The following LRRC75A variants were observed in gnomAD, a reference collection of about 807,000 sequenced individuals.
LRRC75A encodes leucine-rich repeat-containing protein 75A.
A neutral mutation model predicts 26.0 loss-of-function variants in LRRC75A; 12 were observed. The ratio of observed to expected loss-of-function variants is 0.46; its 90% CI spans 0.30 to 0.75. LRRC75A has a LOEUF of 0.75. Ranked by LOEUF, LRRC75A falls within the 30% of genes least tolerant of loss-of-function variation. The pLI is 0.08. For synonymous variants in LRRC75A, 223 were observed against 219.3 expected, an observed-to-expected ratio of 1.02 and a Z score of -0.15; for missense variants, 410 against 486.6, an observed-to-expected ratio of 0.84 and a Z score of 1.48.
chr17:16,451,290 A>G (rs970308103), intron 2 of LRRC75A, among the ~76,000 whole-genome samples: 1 of 151,936 alleles, frequency 6.6e-6, no homozygotes, highest in Non-Finnish European at 1.5e-5. Context: ...AAGTTCAGGG[A>G]GTGGGGCCAT....
In LRRC75A at chr17:16,443,646, ACAGGGCCCCCTC is replaced by A. The variant is rs747651326; in HGVS notation, c.965_976del (p.Gly322_Pro325del). 47 of 1,559,066 alleles carry A rather than the reference ACAGGGCCCCCTC, an allele frequency of 3.0e-5. No homozygotes were observed. Among genetic ancestry groups the A allele is most frequent in the Non-Finnish European group, 3.8e-5 (44 of 1,151,004 alleles). ...CTCATGGTGGTCTTCGGCAGGTGCC[ACAGGGCCCCCTC>A]CAGGGTCCTCCTGGCCTACTGTCCC... On this transcript the variant is annotated inframe_deletion, in exon 4 of 4. Transcript: ENST00000470794.
intron 1 of LRRC75A, among the ~76,000 whole-genome samples, chr17:16,478,191 CT>C (rs768032038): frequency 1.6e-3 from 228 of 140,012 alleles, no homozygotes; most frequent in Middle Eastern, 3.6e-3. Flanking sequence ...CTTTTTTTTT[CT>C]TTTTTTTTTT....
chr17:16,472,214 C>A (rs567180848), intron 1 of LRRC75A, among the ~76,000 whole-genome samples: 1 of 152,132 alleles, frequency 6.6e-6, no homozygotes, highest in East Asian at 1.9e-4. Flanking sequence ...TGCCCTCTGG[C>A]CCCCTGTGAC....
chr17:16,444,034 G>T lies in LRRC75A; in HGVS notation c.589C>A (p.Leu197Ile). Residue 197 changes from leucine (L) to isoleucine (I), a missense_variant, in exon 4 of 4, where the codon CTA becomes ATA. Physicochemically the swap from Leu to Ile is conservative, Grantham distance 5. Coordinates refer to ENST00000470794, the MANE Select transcript of LRRC75A (RefSeq NM_001113567.3). ...SRDLERVTSY[L>I]QRCGEQVDSV... ...TCTACCTGCTCCCCACAGCGCTGTA[G>T]GTAGCTGGTCACCCGCTCCAGGTCT... 1 of 1,613,730 alleles carries T rather than the reference G, an allele frequency of 6.2e-7. No individual in the cohort carries two copies. The highest frequency in any genetic ancestry group is 1.1e-5 in the South Asian group (1 of 91,036).
At chr17:16,482,450 G>A (rs1031252180) in intron 1 of LRRC75A, among the ~76,000 whole-genome samples, 3 of 152,144 alleles carry the variant, frequency 2.0e-5, no homozygotes, top group African/African-American at 7.2e-5. Context: ...TGGGCTGAGG[G>A]CCGTGGGAAG....
In LRRC75A at chr17:16,443,649, G is replaced by A; in HGVS notation, c.974C>T (p.Pro325Leu). Residue 325 changes from proline to leucine, a missense_variant, in exon 4 of 4, where the codon CCT (proline) becomes CTT (leucine). Physicochemically the swap from Pro to Leu is moderately conservative, Grantham distance 98. Coordinates refer to ENST00000470794, the MANE Select transcript of LRRC75A (RefSeq NM_001113567.3). ...TVGQEDPGGG[P>L]VAPAEDHHEG... is the part of the protein sequence containing the mutation. ...ATGGTGGTCTTCGGCAGGTGCCACA[G>A]GGCCCCCTCCAGGGTCCTCCTGGCC... The A allele has an allele frequency of 1.3e-6, 2 of 1,561,172 alleles. No individual in the cohort carries two copies. The highest frequency in any genetic ancestry group is 1.7e-6 in the Non-Finnish European group (2 of 1,152,124).
intron 1 of LRRC75A, among the ~76,000 whole-genome samples, chr17:16,481,347 G>A (rs1032255144): frequency 2.6e-5 from 4 of 152,162 alleles, no homozygotes; most frequent in Non-Finnish European, 4.4e-5. Flanking sequence ...TCTCCTGCCC[G>A]CTCACAGGAA....
At chr17:16,445,101 G>A (rs567642714) in intron 3 of LRRC75A, among the ~76,000 whole-genome samples, 3 of 147,452 alleles carry the variant, frequency 2.0e-5, no homozygotes, top group Admixed American at 6.8e-5. Context: ...CACCCATCTC[G>A]GCCTCCCAAA....
intron 1 of LRRC75A, among the ~76,000 whole-genome samples, chr17:16,487,195 A>G (rs893682394): frequency 3.3e-5 from 5 of 152,222 alleles, no homozygotes; most frequent in African/African-American, 1.2e-4. Flanking sequence ...AGGTGCATTC[A>G]GTGGAAACAT....
intron 1 of LRRC75A, chr17:16,470,513 C>A (rs1267874116): frequency 6.6e-6 from 1 of 152,196 alleles, no homozygotes; most frequent in East Asian, 1.9e-4. Context: ...CCAGGCTGCT[C>A]CCCCTCCTGG....
chr17:16,480,631 A>C (rs1375365189), intron 1 of LRRC75A, among the ~76,000 whole-genome samples: 1 of 149,554 alleles, frequency 6.7e-6, no homozygotes, highest in Admixed American at 6.6e-5. Flanking sequence ...CTTCGTCTCA[A>C]AAAAAAAAAA....
chr17:16,457,574 T>G (rs931217630), intron 2 of LRRC75A, among the ~76,000 whole-genome samples: 2 of 152,188 alleles, frequency 1.3e-5, no homozygotes, highest in Non-Finnish European at 2.9e-5. Context: ...CCCTGTGTAA[T>G]GTCCTTCCAC....
chr17:16,456,099 G>GTAGTA (rs1568960241), intron 2 of LRRC75A, among the ~76,000 whole-genome samples: 71 of 134,198 alleles, frequency 5.3e-4, no homozygotes, highest in African/African-American at 2.1e-3. Flanking sequence ...GAGGAGGAAG[G>GTAGTA]GGAGGGGGAG....
chr17:16,485,303 T>C (rs769032028), intron 1 of LRRC75A, among the ~76,000 whole-genome samples: 3 of 152,140 alleles, frequency 2.0e-5, no homozygotes, highest in Non-Finnish European at 4.4e-5. Context: ...CCCAAGGTGA[T>C]GGTATCGGGA....
chr17:16,476,892 C>G (rs1012696505), intron 1 of LRRC75A, among the ~76,000 whole-genome samples: 2 of 152,080 alleles, frequency 1.3e-5, no homozygotes, highest in African/African-American at 2.4e-5. Context: ...GCGCCCACCA[C>G]CACGCCTGGC....
intron 3 of LRRC75A, among the ~76,000 whole-genome samples, chr17:16,444,468 A>G (rs956049389): frequency 1.3e-5 from 2 of 152,214 alleles, no homozygotes; most frequent in Non-Finnish European, 2.9e-5. Flanking sequence ...CGAGTGAGGA[A>G]TAAACATTTG....
rs759057922 is a variant in LRRC75A, at chr17:16,443,881, G to A, written c.742C>T (p.Arg248Cys). ...NGNRLTRAVL[R>C]DLTDILKDPS... ...TCCTTAAGGATGTCAGTGAGGTCGCGCAGCACGGCCCGGGTCAACCGGTTG... is the reference window on the plus strand; with the variant it reads ...TCCTTAAGGATGTCAGTGAGGTCGCACAGCACGGCCCGGGTCAACCGGTTG... Residue 248 changes from arginine to cysteine, a missense_variant, in exon 4 of 4, where the codon CGC (arginine) becomes TGC (cysteine). By Grantham distance (180) the Arg-to-Cys change is radical. Transcript: ENST00000470794. 1.9e-6 allele frequency: 3 copies of A among 1,613,358 alleles called. No individual in the cohort carries two copies. Among genetic ancestry groups the A allele is most frequent in the Non-Finnish European group, 1.7e-6 (2 of 1,179,514 alleles).
At chr17:16,453,494 T>C (rs1416321320) in intron 2 of LRRC75A, among the ~76,000 whole-genome samples, 3 of 152,134 alleles carry the variant, frequency 2.0e-5, no homozygotes, top group Non-Finnish European at 4.4e-5. Context: ...GTCTCCTCAC[T>C]GGCTAGACAG....
chr17:16,464,268 T>C (rs964716058), intron 1 of LRRC75A, among the ~76,000 whole-genome samples: 2 of 152,182 alleles, frequency 1.3e-5, no homozygotes, highest in Non-Finnish European at 1.5e-5. Context: ...AGGTCTGTCA[T>C]GGATGCAGTC....
Sources: gnomAD v4.1 joint callset for allele counts (sites outside exome capture counted in the v4.1 genomes callset) on GRCh38, gnomAD v4.1.1 for gene constraint, MANE v1.5 for transcripts, NCBI Gene and HGNC (gene_info 2026-07-23, HGNC 2026-07-21) for gene names.